The following KCNIP4 variants were observed in gnomAD, a reference collection of about 807,000 sequenced individuals.
The protein encoded by KCNIP4 is Kv channel-interacting protein 4.
Under a neutral mutation model 34.0 loss-of-function variants are expected in KCNIP4, and 12 were observed. The ratio of observed to expected loss-of-function variants is 0.35; its 90% CI spans 0.23 to 0.57. The LOEUF (loss-of-function observed/expected upper bound fraction) is 0.57, where lower values mean the gene tolerates loss of function less well. Ranked by LOEUF, KCNIP4 falls within the 20% of genes least tolerant of loss-of-function variation. The pLI is 0.83. For missense variants in KCNIP4, 238 were observed against 311.7 expected, an observed-to-expected ratio of 0.76 and a Z score of 1.78; for synonymous variants, 124 against 102.2, an observed-to-expected ratio of 1.21 and a Z score of -1.29.
At chr4:21,733,051 A>G (rs1484415477) in intron 1 of KCNIP4, among the ~76,000 whole-genome samples, 1 of 152,176 alleles carries the variant, frequency 6.6e-6, no homozygotes, top group Non-Finnish European at 1.5e-5. Flanking sequence ...TACTCTCCCC[A>G]AGTAGAAAAG....
chr4:21,817,836 A>G (rs1248780919), intron 1 of KCNIP4, among the ~76,000 whole-genome samples: 1 of 152,124 alleles, frequency 6.6e-6, no homozygotes, highest in African/African-American at 2.4e-5. Flanking sequence ...ATGTTTATCA[A>G]GACAATATGT....
chr4:20,999,347 G>A (rs959092674), intron 1 of KCNIP4, among the ~76,000 whole-genome samples: 35 of 150,298 alleles, frequency 2.3e-4, no homozygotes, highest in African/African-American at 6.8e-4. Context: ...GGCTATTAAC[G>A]TAAACAGGAC....
rs34580800 is a variant in KCNIP4, at chr4:21,897,250, AT to A, written c.61+51320del. Among the ~76,000 whole-genome samples the A allele has an allele frequency of 3.4e-4, 51 of 151,618 alleles. No individual in the cohort carries two copies. The South Asian group carries it at 5.6e-3, about 17-fold the overall frequency. On this transcript the variant is annotated intron_variant, in intron 1 of 8. Coordinates refer to ENST00000382152, the MANE Select transcript of KCNIP4 (RefSeq NM_025221.6). The stretch of plus-strand genomic sequence containing the variant: ...TAGAAATAGAGATTTGAGAATAAGA[AT>A]TTTTTTTTCCTTTTTGCCTATGTTT...
At chr4:21,109,868 G>A (rs1378573832) in intron 1 of KCNIP4, among the ~76,000 whole-genome samples, 1 of 152,002 alleles carries the variant, frequency 6.6e-6, no homozygotes, top group South Asian at 2.1e-4. Flanking sequence ...TTGCTTACTT[G>A]AAACTACTCT....
At chr4:21,411,036 T>C (rs1235637276) in intron 1 of KCNIP4, among the ~76,000 whole-genome samples, 6 of 152,178 alleles carry the variant, frequency 3.9e-5, no homozygotes, top group Admixed American at 3.3e-4. Context: ...ATAAAAGAGA[T>C]GAAGCCTATA....
At chr4:21,101,320 T>C (rs1295270196) in intron 1 of KCNIP4, among the ~76,000 whole-genome samples, 1 of 152,140 alleles carries the variant, frequency 6.6e-6, no homozygotes, top group African/African-American at 2.4e-5. Flanking sequence ...TAGTATTTCA[T>C]GTTGCATATA....
chr4:21,480,612 G>T (rs1478138072), intron 1 of KCNIP4, among the ~76,000 whole-genome samples: 1 of 152,084 alleles, frequency 6.6e-6, no homozygotes, highest in Non-Finnish European at 1.5e-5. Flanking sequence ...TAATCATTGA[G>T]AATCTATAAC....
chr4:21,761,688 T>C (rs1005773949), intron 1 of KCNIP4, among the ~76,000 whole-genome samples: 3 of 152,102 alleles, frequency 2.0e-5, no homozygotes, highest in African/African-American at 7.2e-5. Flanking sequence ...GTGTTTCTTA[T>C]AACAAAATTA....
At chr4:21,008,671 C>A (rs1400318434) in intron 1 of KCNIP4, among the ~76,000 whole-genome samples, 3 of 151,728 alleles carry the variant, frequency 2.0e-5, no homozygotes, top group Non-Finnish European at 4.4e-5. Flanking sequence ...CTGCAGGCGC[C>A]CGCCACCACG....
At chr4:21,175,708 G>T (rs1458781247) in intron 1 of KCNIP4, among the ~76,000 whole-genome samples, 2 of 152,174 alleles carry the variant, frequency 1.3e-5, no homozygotes, top group Non-Finnish European at 2.9e-5. Context: ...ACAAAGGGAG[G>T]ATTCATGTCC....
At chr4:20,993,763 G>A (rs1464653283) in intron 1 of KCNIP4, among the ~76,000 whole-genome samples, 1 of 152,168 alleles carries the variant, frequency 6.6e-6, no homozygotes, top group Admixed American at 6.5e-5. Context: ...CACAAGCCTG[G>A]TGGCTAAAAC....
intron 1 of KCNIP4, among the ~76,000 whole-genome samples, chr4:21,347,355 C>T (rs900716816): frequency 2.4e-4 from 37 of 152,176 alleles, no homozygotes; most frequent in Non-Finnish European, 2.9e-5. Context: ...GCTAGACCCT[C>T]ATAGGATATG....
chr4:21,615,596 C>G (rs1744540842), intron 1 of KCNIP4, among the ~76,000 whole-genome samples: 1 of 151,888 alleles, frequency 6.6e-6, no homozygotes, highest in African/African-American at 2.4e-5. Flanking sequence ...AACAAATATT[C>G]TAGATACCAA....
chr4:21,283,268 GTA>G (rs1228324629), intron 1 of KCNIP4, among the ~76,000 whole-genome samples: 1 of 151,936 alleles, frequency 6.6e-6, no homozygotes, highest in Admixed American at 6.6e-5. Context: ...GTACAACTTG[GTA>G]TATTTATAAA....
chr4:21,795,056 C>T lies in KCNIP4; in HGVS notation c.61+153515G>A, dbSNP rs550570828. On this transcript the variant is annotated intron_variant, in intron 1 of 8. Coordinates refer to ENST00000382152, the MANE Select transcript of KCNIP4 (RefSeq NM_025221.6). ...TTCAGTTCCCCCCAAATTCAAAGCC[C>T]TAACTCACCTCAAACTGAGATTGTA... Among the ~76,000 whole-genome samples, 13 of 152,230 alleles carry T rather than the reference C, an allele frequency of 8.5e-5. No individual in the cohort carries two copies. In the South Asian group the frequency reaches 2.7e-3, roughly 32 times the overall value.
chr4:21,386,988 G>A (rs894252570), intron 1 of KCNIP4, among the ~76,000 whole-genome samples: 2 of 152,118 alleles, frequency 1.3e-5, no homozygotes, highest in East Asian at 1.9e-4. Context: ...ACCAGAGAGC[G>A]ATAACTTCAT....
chr4:21,200,282 A>ATGTGTG (rs201279286), intron 1 of KCNIP4, among the ~76,000 whole-genome samples: 2 of 141,278 alleles, frequency 1.4e-5, no homozygotes, highest in South Asian at 2.2e-4. Flanking sequence ...AGAAAATGTG[A>ATGTGTG]TGTGTGTGTG....
At chr4:21,094,037 A>C (rs183127776) in intron 1 of KCNIP4, among the ~76,000 whole-genome samples, 30 of 152,168 alleles carry the variant, frequency 2.0e-4, no homozygotes, top group Admixed American at 7.2e-4. Context: ...AGCCAAGATC[A>C]CGCCACTGTA....
At chr4:21,790,800 T>C (rs1414764566) in intron 1 of KCNIP4, among the ~76,000 whole-genome samples, 3 of 151,950 alleles carry the variant, frequency 2.0e-5, no homozygotes, top group Non-Finnish European at 2.9e-5. Flanking sequence ...AATATTCTCA[T>C]TTTCAATACT....
Sources: gnomAD v4.1 joint callset for allele counts (sites outside exome capture counted in the v4.1 genomes callset) on GRCh38, gnomAD v4.1.1 for gene constraint, MANE v1.5 for transcripts, NCBI Gene and HGNC (gene_info 2026-07-23, HGNC 2026-07-21) for gene names.